Variants in LSM14A observed in about 807,000 individuals in gnomAD.
LSM14A encodes the protein LSM14A mRNA processing body assembly factor, also known as protein LSM14 homolog A.
A neutral mutation model predicts 52.4 loss-of-function variants in LSM14A; 14 were observed. The observed-to-expected ratio is 0.27, with a 90% CI of 0.18 to 0.42. The LOEUF (loss-of-function observed/expected upper bound fraction) is 0.42, where lower values mean the gene tolerates loss of function less well. Among genes scored for constraint, LSM14A ranks in the 10% least tolerant of loss-of-function variants. The pLI is 1.00. For synonymous variants in LSM14A, 185 were observed against 200.3 expected, an observed-to-expected ratio of 0.92 and a Z score of 0.64; for missense variants, 417 against 581.8, an observed-to-expected ratio of 0.72 and a Z score of 2.91.
At chr19:34,204,537 C>CT (rs1298143519) in intron 3 of LSM14A, among the ~76,000 whole-genome samples, 1 of 145,590 alleles carries the variant, frequency 6.9e-6, no homozygotes, top group Non-Finnish European at 1.5e-5. Flanking sequence ...CATAGGGAGA[C>CT]CTTGTCTCTG....
chr19:34,226,398 T>TTTAA, intron 9 of LSM14A: 7 of 1,383,454 alleles, frequency 5.1e-6, no homozygotes, highest in Non-Finnish European at 6.6e-6. Context: ...TTTTTTTTTT[T>TTTAA]ACCTTTCAGA....
intron 3 of LSM14A, 55 bp from the exon 4 acceptor site, chr19:34,208,874 A>G: frequency 7.8e-7 from 1 of 1,274,848 alleles, no homozygotes; most frequent in Non-Finnish European, 1.1e-6. Flanking sequence ...TATATCATTG[A>G]ATAATGTCAA....
At position 34,183,274 on chromosome 19, in the gene LSM14A, C is replaced by T. The variant is rs372013799; in HGVS notation, c.121+10511C>T. Among the ~76,000 whole-genome samples the T allele has an allele frequency of 4.3e-4, 66 of 152,148 alleles. No individual in the cohort carries two copies. The South Asian group carries it at 4.4e-3, about 10-fold the overall frequency. On this transcript the variant is annotated intron_variant, in intron 1 of 9. Transcript: ENST00000544216. ...CTTTTAAAAAATACATAAACCCGGC[C>T]GGGCGCAGTGGCTCACGCCTGTAAT...
At chr19:34,172,898 G>C (rs936870964) in intron 1 of LSM14A, 135 bp downstream of exon 1, 5 of 1,090,582 alleles carry the variant, frequency 4.6e-6, no homozygotes, top group Admixed American at 8.5e-5. Context: ...TCCCTTCTCC[G>C]GGCCCCGGCG....
At chr19:34,211,435 A>G (rs1402056615) in intron 4 of LSM14A, among the ~76,000 whole-genome samples, 2 of 152,198 alleles carry the variant, frequency 1.3e-5, no homozygotes, top group Non-Finnish European at 2.9e-5. Context: ...ACTAAGAAAT[A>G]TGACCAACTT....
intron 4 of LSM14A, among the ~76,000 whole-genome samples, chr19:34,214,702 G>T (rs2072445101): frequency 1.3e-5 from 2 of 152,130 alleles, no homozygotes; most frequent in South Asian, 4.1e-4. Context: ...TACTAAGAAA[G>T]ATTAAAACAA....
At chr19:34,218,842 T>C (rs2072863642) in intron 6 of LSM14A, among the ~76,000 whole-genome samples, 1 of 152,188 alleles carries the variant, frequency 6.6e-6, no homozygotes, top group African/African-American at 2.4e-5. Flanking sequence ...AGGAAGTGTT[T>C]TGAGTCAGTA....
intron 1 of LSM14A, among the ~76,000 whole-genome samples, chr19:34,188,067 G>C (rs1196212128): frequency 6.6e-6 from 1 of 151,958 alleles, no homozygotes; most frequent in Non-Finnish European, 1.5e-5. Flanking sequence ...TGGATGGATC[G>C]CTTGAGCCCA....
At chr19:34,186,599 G>A (rs1022624591) in intron 1 of LSM14A, among the ~76,000 whole-genome samples, 29 of 152,126 alleles carry the variant, frequency 1.9e-4, no homozygotes, top group African/African-American at 6.3e-4. Context: ...AAACCTGACC[G>A]ATACCTGGAA....
chr19:34,208,739 C>A, intron 3 of LSM14A, 190 bp from the exon 4 acceptor site: 1 of 489,632 alleles, frequency 2.0e-6, no homozygotes, highest in Non-Finnish European at 3.6e-6. Context: ...CCCCCTTCCC[C>A]TGCCCTCCAT....
chr19:34,197,774 A>G (rs545240807), intron 3 of LSM14A, among the ~76,000 whole-genome samples: 3 of 152,316 alleles, frequency 2.0e-5, no homozygotes, highest in African/African-American at 7.2e-5. Flanking sequence ...TTAAACATAC[A>G]TAAGACATGC....
intron 3 of LSM14A, among the ~76,000 whole-genome samples, chr19:34,199,998 T>G (rs955762461): frequency 2.0e-5 from 3 of 152,248 alleles, no homozygotes; most frequent in Non-Finnish European, 4.4e-5. Context: ...GTTACCAACT[T>G]CGTTGAGTGC....
At chr19:34,186,191 A>G (rs990901509) in intron 1 of LSM14A, among the ~76,000 whole-genome samples, 4 of 152,256 alleles carry the variant, frequency 2.6e-5, no homozygotes, top group Non-Finnish European at 5.9e-5. Context: ...CTAGAAGGGT[A>G]GTATAGACAG....
At chr19:34,220,497 C>G (rs181841839) in intron 8 of LSM14A, among the ~76,000 whole-genome samples, 5 of 151,988 alleles carry the variant, frequency 3.3e-5, no homozygotes, top group African/African-American at 1.2e-4. Flanking sequence ...TTTGCTGGTA[C>G]CATAAAACTG....
At chr19:34,196,257 C>T (rs1037886304) in intron 2 of LSM14A, among the ~76,000 whole-genome samples, 2 of 152,016 alleles carry the variant, frequency 1.3e-5, no homozygotes, top group African/African-American at 2.4e-5. Context: ...TAAAATCATA[C>T]GTGAGATTTA....
Position 34,227,983 on chromosome 19 carries a change from T to C in LSM14A, c.*595T>C. On this transcript the variant is annotated 3_prime_UTR_variant, in exon 10 of 10. Transcript: ENST00000544216. ...GTTTCTTAGGCAAAGGTAACTTTTTTATATAGTTGTAAAATTCCATTATAT... is the reference window on the plus strand; with the variant it reads ...GTTTCTTAGGCAAAGGTAACTTTTTCATATAGTTGTAAAATTCCATTATAT... 6.6e-6 allele frequency: 1 copy of C among 152,648 alleles called. No homozygotes were observed. The highest frequency in any genetic ancestry group is 1.9e-4 in the East Asian group (1 of 5,200). 9.5% of individuals were successfully genotyped at this position (152,648 alleles called of 1,614,324 possible). A position where few individuals can be genotyped will look rare whatever the true frequency, so the allele number is the denominator to read the frequency against.
intron 1 of LSM14A, among the ~76,000 whole-genome samples, chr19:34,192,316 G>GGTTT (rs1341848304): frequency 4.6e-5 from 3 of 65,784 alleles, no homozygotes; most frequent in South Asian, 8.9e-4. Context: ...CATTCTTTTT[G>GGTTT]TTGTTTTTTT....
intron 9 of LSM14A, chr19:34,226,540 G>A (rs987693075): frequency 3.2e-6 from 4 of 1,252,828 alleles, no homozygotes; most frequent in African/African-American, 1.6e-5. Context: ...GTAGCTCATT[G>A]CTGTCAACTT....
intron 1 of LSM14A, among the ~76,000 whole-genome samples, chr19:34,191,212 G>A (rs2070353406): frequency 6.6e-6 from 1 of 151,754 alleles, no homozygotes. Flanking sequence ...CCTTAATTCT[G>A]CATGCTACCC....
Sources: allele counts gnomAD v4.1 joint callset (sites outside exome capture counted in the v4.1 genomes callset), GRCh38; gene constraint gnomAD v4.1.1; transcripts MANE v1.5; gene names NCBI Gene and HGNC (gene_info 2026-07-23, HGNC 2026-07-21).